The following DENND1B variants were observed in gnomAD, a reference collection of about 807,000 sequenced individuals.
The protein encoded by DENND1B is DENN domain containing 1B.
Under a neutral mutation model 90.1 loss-of-function variants are expected in DENND1B, and 59 were observed. That is an observed-to-expected ratio of 0.65 (90% CI 0.53 to 0.81). The LOEUF is 0.81. Ranked by LOEUF, DENND1B falls within the 40% of genes least tolerant of loss-of-function variation. The pLI, the probability that DENND1B is intolerant of heterozygous loss-of-function variation, is 0.00. For missense variants in DENND1B, 862 were observed against 912.6 expected (o/e 0.94, Z 0.71); for synonymous variants, 337 against 324.6 (o/e 1.04, Z -0.41).
intron 15 of DENND1B, among the ~76,000 whole-genome samples, chr1:197,569,081 T>G (rs186692446): frequency 9.3e-4 from 141 of 151,778 alleles, no homozygotes; most frequent in African/African-American, 3.4e-3. Context: ...AACAAATTAA[T>G]AAGAAAATAA....
At chr1:197,547,083 G>T (rs143954269) in intron 16 of DENND1B, among the ~76,000 whole-genome samples, 7 of 151,992 alleles carry the variant, frequency 4.6e-5, no homozygotes, top group Non-Finnish European at 8.8e-5. Context: ...TCCCTAAGTC[G>T]CAGGGGTAAA....
At chr1:197,606,974 C>T (rs1453193334) in intron 13 of DENND1B, 99 bp downstream of exon 13, 1 of 826,536 alleles carries the variant, frequency 1.2e-6, no homozygotes, top group African/African-American at 1.8e-5. Flanking sequence ...AATACCCAAC[C>T]CTTTTATTTC....
At chr1:197,627,760 T>C (rs915912190) in intron 10 of DENND1B, among the ~76,000 whole-genome samples, 7 of 152,020 alleles carry the variant, frequency 4.6e-5, no homozygotes, top group Non-Finnish European at 1.0e-4. Context: ...CAGATGACAT[T>C]ATTGTATATA....
intron 5 of DENND1B, among the ~76,000 whole-genome samples, chr1:197,660,085 T>C (rs1654255645): frequency 6.6e-6 from 1 of 151,564 alleles, no homozygotes; most frequent in East Asian, 1.9e-4. Flanking sequence ...AAAGTAAAGA[T>C]AGAAAGTTTT....
At chr1:197,696,973 A>C (rs2102127793) in intron 3 of DENND1B, among the ~76,000 whole-genome samples, 2 of 151,320 alleles carry the variant, frequency 1.3e-5, no homozygotes, top group East Asian at 3.9e-4. Flanking sequence ...GTTGCCTTGG[A>C]GGCTCAGGAA....
intron 1 of DENND1B, among the ~76,000 whole-genome samples, chr1:197,774,203 A>G (rs1468027809): frequency 6.6e-6 from 1 of 152,104 alleles, no homozygotes; most frequent in African/African-American, 2.4e-5. Flanking sequence ...AAATAATTCT[A>G]TTACATAATT....
intron 2 of DENND1B, among the ~76,000 whole-genome samples, chr1:197,727,146 C>A (rs1661713079): frequency 6.6e-6 from 1 of 152,040 alleles, no homozygotes; most frequent in Non-Finnish European, 1.5e-5. Flanking sequence ...GTGATACTGG[C>A]AAAAAGAATC....
At chr1:197,767,013 C>T (rs1389630575) in intron 2 of DENND1B, among the ~76,000 whole-genome samples, 1 of 151,962 alleles carries the variant, frequency 6.6e-6, no homozygotes, top group Non-Finnish European at 1.5e-5. Context: ...AGGCTGGTCT[C>T]AAACTCCTGA....
intron 3 of DENND1B, among the ~76,000 whole-genome samples, chr1:197,681,198 G>C (rs911516800): frequency 1.3e-5 from 2 of 152,032 alleles, no homozygotes. Flanking sequence ...CATGCATTTT[G>C]TAAGTAGGTA....
intron 3 of DENND1B, among the ~76,000 whole-genome samples, chr1:197,678,255 T>A (rs1184402983): frequency 6.6e-6 from 1 of 152,244 alleles, no homozygotes; most frequent in Non-Finnish European, 1.5e-5. Flanking sequence ...TTAAGAATCC[T>A]CATAATGATA....
chr1:197,567,545 G>A (rs759691331), intron 15 of DENND1B, among the ~76,000 whole-genome samples: 3 of 151,958 alleles, frequency 2.0e-5, no homozygotes, highest in South Asian at 2.1e-4. Context: ...AAAAGAAAGC[G>A]AATTACATCC....
rs1667661782 is a variant in DENND1B, at chr1:197,504,966, TA to T, written c.*5493del. On this transcript the variant is annotated 3_prime_UTR_variant, in exon 23 of 23. Transcript: ENST00000620048. Reference sequence around the variant, plus strand: ...AAAATCACAATTCTGGGTAGGTTTTTACAGATATCTGCTACCAAGACGAGCA... The same window carrying T: ...AAAATCACAATTCTGGGTAGGTTTTTCAGATATCTGCTACCAAGACGAGCA... The T allele has an allele frequency of 6.6e-6, 1 of 151,838 alleles. No individual in the cohort carries two copies. Among genetic ancestry groups the T allele is most frequent in the Non-Finnish European group, 1.5e-5 (1 of 67,872 alleles). 9.4% of individuals were successfully genotyped at this position (151,838 alleles called of 1,614,324 possible).
At chr1:197,552,679 C>A in intron 16 of DENND1B, 1 of 1,047,502 alleles carries the variant, frequency 9.5e-7, no homozygotes, top group Non-Finnish European at 1.1e-6. Context: ...TCAGTAATAA[C>A]CATCACTAGT....
At chr1:197,539,585 T>C (rs1670178045) in intron 20 of DENND1B, among the ~76,000 whole-genome samples, 1 of 152,230 alleles carries the variant, frequency 6.6e-6, no homozygotes, top group African/African-American at 2.4e-5. Context: ...GATTTTAATT[T>C]CTATAGACTA....
intron 20 of DENND1B, among the ~76,000 whole-genome samples, chr1:197,537,143 T>C (rs1376575515): frequency 6.6e-6 from 1 of 152,146 alleles, no homozygotes; most frequent in African/African-American, 2.4e-5. Context: ...TGGGTATACA[T>C]GTTTCCTGAA....
intron 15 of DENND1B, among the ~76,000 whole-genome samples, chr1:197,565,142 A>G (rs577942715): frequency 6.6e-6 from 1 of 152,188 alleles, no homozygotes; most frequent in South Asian, 2.1e-4. Context: ...TTAGCTATAG[A>G]TTACATACCA....
intron 3 of DENND1B, among the ~76,000 whole-genome samples, 186 bp downstream of exon 3, chr1:197,714,845 T>A (rs1660485279): frequency 6.6e-6 from 1 of 152,138 alleles, no homozygotes; most frequent in Non-Finnish European, 1.5e-5. Flanking sequence ...ACCCATCTAC[T>A]TGGTAACTTT....
At position 197,611,911 on chromosome 1, in the gene DENND1B, C is replaced by A. The variant is rs769070084; in HGVS notation, c.819+20G>T. ...TTATGAGTTAATTTTATCACTGTCTCATGTCTGAAAGATACTCACCTCTAT... is the reference window on the plus strand; with the variant it reads ...TTATGAGTTAATTTTATCACTGTCTAATGTCTGAAAGATACTCACCTCTAT... On this transcript the variant is annotated intron_variant, in intron 12 of 22. Transcript: ENST00000620048. 6.3e-7 allele frequency: 1 copy of A among 1,597,650 alleles called. No individual in the cohort carries two copies. The highest frequency in any genetic ancestry group is 8.6e-7 in the Non-Finnish European group (1 of 1,168,630).
chr1:197,683,074 T>C (rs1656858125), intron 3 of DENND1B, among the ~76,000 whole-genome samples: 1 of 152,090 alleles, frequency 6.6e-6, no homozygotes, highest in Non-Finnish European at 1.5e-5. Flanking sequence ...AGAATGGATA[T>C]TAAATAGATT....
Sources: gnomAD v4.1 joint callset for allele counts (sites outside exome capture counted in the v4.1 genomes callset) on GRCh38, gnomAD v4.1.1 for gene constraint, MANE v1.5 for transcripts, NCBI Gene and HGNC (gene_info 2026-07-23, HGNC 2026-07-21) for gene names.